TSPAN7: variants seen among roughly 807,000 people sequenced by gnomAD.
TSPAN7 encodes the protein tetraspanin 7, also known as tetraspanin-7.
Under a neutral mutation model 17.6 loss-of-function variants are expected in TSPAN7, and 1 was observed. The observed-to-expected ratio is 0.06, with a 90% CI of 0.02 to 0.27. TSPAN7 has a LOEUF of 0.27. Ranked by LOEUF, TSPAN7 falls within the 10% of genes least tolerant of loss-of-function variation. The probability of loss-of-function intolerance (pLI) is 1.00; values close to 1 mark genes in which losing one functional copy is unlikely to be tolerated. For missense variants in TSPAN7, 112 were observed against 201.7 expected (o/e 0.56, Z 2.69); for synonymous variants, 78 against 79.0 (o/e 0.99, Z 0.07).
intron 5 of TSPAN7, among the ~76,000 whole-genome samples, chrX:38,677,246 C>T (rs1348390115): frequency 5.4e-5 from 6 of 111,690 alleles, no homozygotes; most frequent in Non-Finnish European, 7.5e-5. Flanking sequence ...CTGTAAAATG[C>T]GGATAATAAT....
At chrX:38,636,735 G>A (rs747154625) in intron 1 of TSPAN7, among the ~76,000 whole-genome samples, 6 of 109,811 alleles carry the variant, frequency 5.5e-5, no homozygotes, top group Non-Finnish European at 7.6e-5. Context: ...GAGTGCAATC[G>A]CGCGATCTTG....
At chrX:38,577,472 C>A (rs1307645402) in intron 1 of TSPAN7, among the ~76,000 whole-genome samples, 1 of 109,291 alleles carries the variant, frequency 9.1e-6, no homozygotes, top group African/African-American at 3.3e-5. Flanking sequence ...TGGAGAAGTT[C>A]TTTTTTAGGC....
At chrX:38,645,345 G>A (rs888957304) in intron 1 of TSPAN7, among the ~76,000 whole-genome samples, 8 of 112,080 alleles carry the variant, frequency 7.1e-5, no homozygotes, top group African/African-American at 1.9e-4. Context: ...AAACAAAGGA[G>A]TTGACAAATT....
intron 1 of TSPAN7, among the ~76,000 whole-genome samples, chrX:38,605,726 G>T (rs1243718203): frequency 9.1e-6 from 1 of 109,788 alleles, no homozygotes; most frequent in Admixed American, 9.7e-5. Flanking sequence ...TAGATCAATG[G>T]AACAGAACAG....
At position 38,588,369 on chromosome X, in the gene TSPAN7, G is replaced by A. The variant is rs760106738; in HGVS notation, c.81+26742G>A. 4.5e-5 allele frequency among the ~76,000 whole-genome samples: 5 copies of A among 111,298 alleles called. No individual in the cohort carries two copies. The East Asian group carries it at 1.4e-3, about 31-fold the overall frequency. Reference sequence around the variant, plus strand: ...ATTTAACTACATCTTAATACTATAGGCTATGGCTCAGAATAACCATAGGAA... The same window carrying A: ...ATTTAACTACATCTTAATACTATAGACTATGGCTCAGAATAACCATAGGAA... On this transcript the variant is annotated intron_variant, in intron 1 of 7. Coordinates refer to ENST00000378482, the MANE Select transcript of TSPAN7 (RefSeq NM_004615.4).
chrX:38,633,773 C>A (rs2069563924), intron 1 of TSPAN7, among the ~76,000 whole-genome samples: 2 of 111,928 alleles, frequency 1.8e-5, no homozygotes, highest in South Asian at 7.4e-4. Context: ...ATTTGCAAGT[C>A]CTTTGTCAAT....
At chrX:38,588,740 C>T (rs2069273158) in intron 1 of TSPAN7, among the ~76,000 whole-genome samples, 1 of 111,796 alleles carries the variant, frequency 8.9e-6, no homozygotes, top group Non-Finnish European at 1.9e-5. Flanking sequence ...TTTGGATGTT[C>T]ATCCTCTGTC....
In TSPAN7 at chrX:38,673,534, A is replaced by AT. The variant is rs1185935101; in HGVS notation, c.346-677dup. On this transcript the variant is annotated intron_variant, in intron 3 of 7. Transcript: ENST00000378482. ...TGGCGCCTGCCACCATGCCTGACTA[A>AT]TTTTTTTTTTGTATTTTTAGTAGAG... is the stretch of plus-strand genomic sequence containing the variant. Among the ~76,000 whole-genome samples the AT allele has an allele frequency of 5.7e-4, 59 of 104,236 alleles. No homozygotes were observed. The South Asian group carries it at 8.6e-3, about 15-fold the overall frequency. 90.5% of individuals were successfully genotyped at this position (104,236 alleles called of 115,157 possible). A position where few individuals can be genotyped will look rare whatever the true frequency, so the allele number is the denominator to read the frequency against.
At chrX:38,579,905 T>C (rs2069219285) in intron 1 of TSPAN7, among the ~76,000 whole-genome samples, 1 of 112,261 alleles carries the variant, frequency 8.9e-6, no homozygotes, top group Non-Finnish European at 1.9e-5. Flanking sequence ...TCAGAGTTTA[T>C]CAGTTGGGCT....
At chrX:38,641,851 A>G (rs1436960482) in intron 1 of TSPAN7, among the ~76,000 whole-genome samples, 4 of 111,602 alleles carry the variant, frequency 3.6e-5, no homozygotes, top group Non-Finnish European at 5.7e-5. Context: ...TTTCTCCTGG[A>G]ATTTCCTCCT....
intron 1 of TSPAN7, among the ~76,000 whole-genome samples, chrX:38,570,488 T>C (rs1330271622): frequency 9.0e-6 from 1 of 111,561 alleles, no homozygotes; most frequent in East Asian, 2.8e-4. Context: ...GTTCTTGATT[T>C]GACCTTATTG....
chrX:38,565,248 G>A (rs1459406487), intron 1 of TSPAN7, among the ~76,000 whole-genome samples: 4 of 111,709 alleles, frequency 3.6e-5, no homozygotes, highest in African/African-American at 9.8e-5. Context: ...TTGTTTGTTC[G>A]AGGCAGAGTC....
intron 6 of TSPAN7, among the ~76,000 whole-genome samples, chrX:38,683,396 T>C (rs1479588894): frequency 8.8e-6 from 1 of 113,139 alleles, no homozygotes; most frequent in African/African-American, 3.2e-5. Flanking sequence ...TTGTTGAATA[T>C]GCACTGTGAC....
chrX:38,566,450 T>G (rs1183917545), intron 1 of TSPAN7: 6 of 574,161 alleles, frequency 1.0e-5, no homozygotes, highest in Non-Finnish European at 1.1e-5. Flanking sequence ...ATGAATGAAT[T>G]AATGAATAAA....
intron 1 of TSPAN7, among the ~76,000 whole-genome samples, chrX:38,630,428 T>C (rs114665379): frequency 0.014 from 1,577 of 111,773 alleles, 37 homozygotes; most frequent in African/African-American, 0.049. Flanking sequence ...CTACCTCTTA[T>C]AGTAGGACTG....
intron 1 of TSPAN7, among the ~76,000 whole-genome samples, chrX:38,585,339 A>C (rs1300864987): frequency 9.0e-6 from 1 of 111,393 alleles, no homozygotes; most frequent in African/African-American, 3.3e-5. Context: ...ATGTGCTTTC[A>C]ATTTGCATTC....
chrX:38,666,100 A>G (rs780578931), intron 1 of TSPAN7, 21 bp from the exon 2 acceptor site: 14 of 1,205,741 alleles, frequency 1.2e-5, no homozygotes, highest in Non-Finnish European at 1.6e-5. Flanking sequence ...ATAGCTTCAC[A>G]CTCTCCTCTC....
At chrX:38,648,756 A>C (rs2069659570) in intron 1 of TSPAN7, among the ~76,000 whole-genome samples, 1 of 110,737 alleles carries the variant, frequency 9.0e-6, no homozygotes. Flanking sequence ...CCAGCCAGGC[A>C]TCTGCATTTT....
intron 1 of TSPAN7, among the ~76,000 whole-genome samples, chrX:38,609,513 A>G (rs189792646): frequency 7.8e-4 from 86 of 110,501 alleles, no homozygotes; most frequent in Non-Finnish European, 2.8e-4. Context: ...TTAGGACTGC[A>G]TTCAGTTTTG....
Sources: gnomAD v4.1 joint callset for allele counts (sites outside exome capture counted in the v4.1 genomes callset) on GRCh38, gnomAD v4.1.1 for gene constraint, MANE v1.5 for transcripts, NCBI Gene and HGNC (gene_info 2026-07-23, HGNC 2026-07-21) for gene names.